ELOVL7: variants seen among roughly 807,000 people sequenced by gnomAD.
ELOVL7 encodes ELOVL fatty acid elongase 7, also known as very long chain fatty acid elongase 7.
A neutral mutation model predicts 35.7 loss-of-function variants in ELOVL7; 27 were observed. The ratio of observed to expected loss-of-function variants is 0.76; its 90% CI spans 0.56 to 1.04. ELOVL7 has a LOEUF of 1.04. Ranked by LOEUF, ELOVL7 falls within the 50% of genes least tolerant of loss-of-function variation. The pLI, the probability that ELOVL7 is intolerant of heterozygous loss-of-function variation, is 0.00. For missense variants in ELOVL7, 327 were observed against 340.8 expected, an observed-to-expected ratio of 0.96 and a Z score of 0.32; for synonymous variants, 113 against 114.6, an observed-to-expected ratio of 0.99 and a Z score of 0.09.
Position 60,802,419 on chromosome 5 carries a change from T to C in ELOVL7, c.-85-3189A>G, listed in dbSNP as rs150241769. Among the ~76,000 whole-genome samples the C allele has an allele frequency of 8.6e-4, 131 of 152,118 alleles. 3 individuals carry two copies. The East Asian group carries it at 0.022, about 25-fold the overall frequency. On this transcript the variant is annotated intron_variant, in intron 1 of 8. Coordinates refer to ENST00000508821, the MANE Select transcript of ELOVL7 (RefSeq NM_024930.3). ...AGACATGACGACACCCATGACAACATGAGCAACAGGCATAAAATACATGAC... is the reference window on the plus strand; with the variant it reads ...AGACATGACGACACCCATGACAACACGAGCAACAGGCATAAAATACATGAC...
intron 1 of ELOVL7, among the ~76,000 whole-genome samples, chr5:60,837,211 A>G (rs994135604): frequency 6.7e-6 from 1 of 149,718 alleles, no homozygotes; most frequent in African/African-American, 2.5e-5. Context: ...AGGCGGGCAG[A>G]TCACCTGAGG....
chr5:60,834,933 G>T (rs1746698133), intron 1 of ELOVL7, among the ~76,000 whole-genome samples: 1 of 151,858 alleles, frequency 6.6e-6, no homozygotes, highest in African/African-American at 2.4e-5. Context: ...GCTCACACCT[G>T]TAATTCCAGC....
intron 8 of ELOVL7, among the ~76,000 whole-genome samples, chr5:60,755,266 G>A (rs1333960418): frequency 2.0e-5 from 3 of 151,938 alleles, no homozygotes; most frequent in Non-Finnish European, 4.4e-5. Context: ...TTAATTTTTG[G>A]AAAATAATAA....
At chr5:60,821,323 A>G (rs1352587532) in intron 1 of ELOVL7, among the ~76,000 whole-genome samples, 2 of 152,158 alleles carry the variant, frequency 1.3e-5, no homozygotes, top group African/African-American at 4.8e-5. Context: ...GGTCTGGCAC[A>G]TGGTTGACTT....
At chr5:60,774,345 T>A (rs1360594341) in intron 3 of ELOVL7, among the ~76,000 whole-genome samples, 1 of 152,176 alleles carries the variant, frequency 6.6e-6, no homozygotes, top group African/African-American at 2.4e-5. Flanking sequence ...TGGTTCAACA[T>A]ATTCAAGTCA....
chr5:60,801,657 C>T (rs1056688649), intron 1 of ELOVL7, among the ~76,000 whole-genome samples: 18 of 151,772 alleles, frequency 1.2e-4, no homozygotes, highest in African/African-American at 2.7e-4. Flanking sequence ...GAGTCATGAT[C>T]GTGTCACTGC....
intron 1 of ELOVL7, among the ~76,000 whole-genome samples, chr5:60,822,223 G>C (rs1010789204): frequency 6.6e-6 from 1 of 152,244 alleles, no homozygotes; most frequent in Non-Finnish European, 1.5e-5. Flanking sequence ...ACTGAGAAAG[G>C]AGTGCAAATG....
At chr5:60,776,936 A>G (rs1279733709) in intron 3 of ELOVL7, among the ~76,000 whole-genome samples, 1 of 152,206 alleles carries the variant, frequency 6.6e-6, no homozygotes, top group Non-Finnish European at 1.5e-5. Context: ...TACAGTAAGG[A>G]AGAAGAAAAT....
chr5:60,806,401 G>A (rs1744927066), intron 1 of ELOVL7, among the ~76,000 whole-genome samples: 1 of 152,100 alleles, frequency 6.6e-6, no homozygotes, highest in African/African-American at 2.4e-5. Flanking sequence ...TATAAAAAGA[G>A]GCAATCATTG....
At chr5:60,770,045 T>C (rs1469438074) in intron 4 of ELOVL7, among the ~76,000 whole-genome samples, 1 of 136,378 alleles carries the variant, frequency 7.3e-6, no homozygotes. Flanking sequence ...AGCGAGACCC[T>C]TTCTGGTGAA....
At position 60,792,772 on chromosome 5, in the gene ELOVL7, G is replaced by A. The variant is rs562781712; in HGVS notation, c.-34-5341C>T. Among the ~76,000 whole-genome samples the A allele has an allele frequency of 2.0e-4, 31 of 152,302 alleles. No homozygotes were observed. In the East Asian group the frequency reaches 2.1e-3, roughly 10 times the overall value. The stretch of plus-strand genomic sequence containing the variant: ...TTAGTTAACAGCAGAACCAGGACCC[G>A]AAAAGACAATTTAGAATATCTGATG... On this transcript the variant is annotated intron_variant, in intron 2 of 8. Transcript: ENST00000508821.
intron 7 of ELOVL7, among the ~76,000 whole-genome samples, chr5:60,762,924 T>A (rs1441231993): frequency 6.6e-6 from 1 of 152,134 alleles, no homozygotes; most frequent in Admixed American, 6.5e-5. Flanking sequence ...CAAACACCAA[T>A]AAGTGTCAAT....
At chr5:60,819,025 G>A (rs1197941470) in intron 1 of ELOVL7, among the ~76,000 whole-genome samples, 13 of 76 alleles carry the variant, frequency 0.17, no homozygotes, top group East Asian at 0.5. Context: ...AGAGGAGAGG[G>A]GAGGGGAGGG....
intron 3 of ELOVL7, among the ~76,000 whole-genome samples, chr5:60,775,413 C>A (rs1442772875): frequency 6.6e-6 from 1 of 152,090 alleles, no homozygotes; most frequent in Admixed American, 6.5e-5. Context: ...TCAAAACAAT[C>A]TAAAGATTCA....
intron 4 of ELOVL7, among the ~76,000 whole-genome samples, chr5:60,771,031 T>C (rs1288041028): frequency 6.6e-6 from 1 of 152,182 alleles, no homozygotes. Flanking sequence ...ATCGATATGA[T>C]GGATCTGTAG....
chr5:60,774,370 C>A (rs1377507622), intron 3 of ELOVL7, among the ~76,000 whole-genome samples: 3 of 152,064 alleles, frequency 2.0e-5, no homozygotes, highest in African/African-American at 7.2e-5. Context: ...ATGTGACTCA[C>A]CACATAAACA....
chr5:60,817,113 A>C (rs1350849588), intron 1 of ELOVL7, among the ~76,000 whole-genome samples: 3 of 152,174 alleles, frequency 2.0e-5, no homozygotes, highest in African/African-American at 7.2e-5. Flanking sequence ...GACCACTTTA[A>C]ATATTTATAC....
chr5:60,765,688 G>C (rs1318806255), intron 6 of ELOVL7, among the ~76,000 whole-genome samples: 1 of 152,076 alleles, frequency 6.6e-6, no homozygotes, highest in African/African-American at 2.4e-5. Context: ...CAAGTCTCAG[G>C]TGATTCTAAA....
At chr5:60,757,373 C>T in intron 8 of ELOVL7, 136 bp downstream of exon 8, 1 of 713,192 alleles carries the variant, frequency 1.4e-6, no homozygotes, top group South Asian at 3.0e-5. Context: ...ACCATGATGG[C>T]ATATCATGTA....
Sources: allele counts gnomAD v4.1 joint callset (sites outside exome capture counted in the v4.1 genomes callset), GRCh38; gene constraint gnomAD v4.1.1; transcripts MANE v1.5; gene names NCBI Gene and HGNC (gene_info 2026-07-23, HGNC 2026-07-21).